The following RSRP1 variants were observed in gnomAD, a reference collection of about 807,000 sequenced individuals.
The protein encoded by RSRP1 is arginine/serine-rich protein 1.
Under a neutral mutation model 33.0 loss-of-function variants are expected in RSRP1, and 37 were observed. The ratio of observed to expected loss-of-function variants is 1.12; its 90% CI spans 0.86 to 1.48. RSRP1 has a LOEUF of 1.48. RSRP1 is among the 40% of genes most tolerant of loss of function. The pLI is 0.00. For synonymous variants in RSRP1, 167 were observed against 158.7 expected (o/e 1.05, Z -0.40); for missense variants, 402 against 385.3 (o/e 1.04, Z -0.36).
At position 25,311,053 on chromosome 1, in the gene RSRP1, C is replaced by T. The variant is rs746590515; in HGVS notation, c.-67+26925G>A. Among the ~76,000 whole-genome samples the T allele has an allele frequency of 2.3e-5, 3 of 131,096 alleles. 1 individual carries two copies. Among genetic ancestry groups the T allele is most frequent in the Non-Finnish European group, 5.4e-5 (3 of 55,538 alleles). 86.0% of individuals were successfully genotyped at this position (131,096 alleles called of 152,430 possible). On this transcript the variant is annotated intron_variant, in intron 1 of 1. Transcript: ENST00000561867. Reference sequence around the variant, plus strand: ...TCTGGTGAGGGCTTAAAGGAAGACCCCAGAACTAGGGAAAGTCTGGAACTT... The same window carrying T: ...TCTGGTGAGGGCTTAAAGGAAGACCTCAGAACTAGGGAAAGTCTGGAACTT...
chr1:25,244,870 C>G, intron 3 of RSRP1: 6 of 1,141,140 alleles, frequency 5.3e-6, no homozygotes, highest in Non-Finnish European at 6.8e-6. Context: ...TTTTTGTAAA[C>G]ACGCGGTTTT....
chr1:25,243,457 G>T, intron 4 of RSRP1, 93 bp downstream of exon 4: 1 of 1,463,548 alleles, frequency 6.8e-7, no homozygotes, highest in Non-Finnish European at 9.3e-7. Flanking sequence ...GTGTCAGTAG[G>T]CCCCCAACTA....
intron 1 of RSRP1, among the ~76,000 whole-genome samples, chr1:25,282,606 A>G (rs1422621748): frequency 7.6e-6 from 1 of 132,340 alleles, no homozygotes; most frequent in African/African-American, 2.6e-5. Context: ...CTCAAAACCT[A>G]TGCTTCCCCT....
upstream of RSRP1, among the ~76,000 whole-genome samples, chr1:25,252,454 G>A (rs1384165529): frequency 6.6e-6 from 1 of 151,994 alleles, no homozygotes; most frequent in East Asian, 1.9e-4. Flanking sequence ...CAACAGCCTA[G>A]GCTCCAGAGT....
At chr1:25,245,423 T>A (rs1639288550) in intron 2 of RSRP1, 122 bp from the exon 3 acceptor site, 1 of 1,313,486 alleles carries the variant, frequency 7.6e-7, no homozygotes, top group South Asian at 1.5e-5. Flanking sequence ...GTCACTTGTT[T>A]TATAATAGGT....
rs1186236384 is a variant in RSRP1 at position 25,272,124 on chromosome 1, A to G, written c.-66-25095T>C. 3.3e-5 allele frequency among the ~76,000 whole-genome samples: 4 copies of G among 122,182 alleles called. 1 individual carries two copies. The highest frequency in any genetic ancestry group is 7.8e-5 in the Non-Finnish European group (4 of 51,416). The allele number at this position is 122,182 out of a possible 152,430, so 80.2% of individuals were successfully genotyped here. On this transcript the variant is annotated intron_variant, in intron 1 of 1. Transcript: ENST00000561867. ...CTCTGTCATGTAGTAAGGTTTTAAAAAGAAAGCCTCTTCTGAGCTTCAGTT... is the reference window on the plus strand; with the variant it reads ...CTCTGTCATGTAGTAAGGTTTTAAAGAGAAAGCCTCTTCTGAGCTTCAGTT...
At chr1:25,258,145 C>A (rs1251867061) in intron 1 of RSRP1, among the ~76,000 whole-genome samples, 2 of 152,110 alleles carry the variant, frequency 1.3e-5, no homozygotes, top group East Asian at 3.9e-4. Context: ...TAAACAAATA[C>A]CTGAAACACC....
At chr1:25,313,463 C>T (rs1457845480) in intron 1 of RSRP1, among the ~76,000 whole-genome samples, 1 of 132,844 alleles carries the variant, frequency 7.5e-6, no homozygotes, top group African/African-American at 2.6e-5. Context: ...TTGTGAGATT[C>T]ATCCAGGTTG....
At chr1:25,244,787 G>T in intron 3 of RSRP1, 1 of 989,630 alleles carries the variant, frequency 1.0e-6, no homozygotes, top group Non-Finnish European at 1.3e-6. Flanking sequence ...TAGGCTCAAA[G>T]ATCCTCCTGC....
chr1:25,243,320 G>A (rs1388719937), intron 4 of RSRP1, among the ~76,000 whole-genome samples: 1 of 152,070 alleles, frequency 6.6e-6, no homozygotes, highest in Non-Finnish European at 1.5e-5. Context: ...AATAAAAAAG[G>A]GGGGACACTT....
intron 1 of RSRP1, among the ~76,000 whole-genome samples, chr1:25,312,138 C>A (rs2124038322): frequency 1.0e-5 from 1 of 97,658 alleles, no homozygotes; most frequent in East Asian, 2.1e-4. Flanking sequence ...ATAGTGTGTC[C>A]AGGAGGTGGC....
intron 1 of RSRP1, among the ~76,000 whole-genome samples, chr1:25,286,680 G>A (rs1448459323): frequency 3.7e-5 from 5 of 134,216 alleles, no homozygotes; most frequent in African/African-American, 1.3e-4. Flanking sequence ...CAGCCACTCG[G>A]GAGGCTGAGG....
chr1:25,283,328 C>T lies in RSRP1; in HGVS notation c.-66-36299G>A, dbSNP rs543516492. ...GGCAGATCACTTGAGGTCAGGAGTT[C>T]GAGACCAGCTTGGCCAACATAGCGA... On this transcript the variant is annotated intron_variant, in intron 1 of 1. Coordinates refer to the RSRP1 transcript ENST00000561867. Among the ~76,000 whole-genome samples, 34 of 129,846 alleles carry T rather than the reference C, an allele frequency of 2.6e-4. 6 individuals are homozygous for T. The South Asian group carries it at 4.3e-3, about 16-fold the overall frequency. The allele number at this position is 129,846 out of a possible 152,430, so 85.2% of individuals were successfully genotyped here. A position where few individuals can be genotyped will look rare whatever the true frequency, so the allele number is the denominator to read the frequency against.
At chr1:25,336,829 T>A (rs1420982126) in intron 1 of RSRP1, among the ~76,000 whole-genome samples, 3 of 149,250 alleles carry the variant, frequency 2.0e-5, no homozygotes, top group Non-Finnish European at 2.9e-5. Flanking sequence ...TAAGAACGTG[T>A]CCATTTAAAA....
chr1:25,244,980 C>A, intron 3 of RSRP1, 170 bp downstream of exon 3: 1 of 1,487,114 alleles, frequency 6.7e-7, no homozygotes, highest in Non-Finnish European at 8.9e-7. Flanking sequence ...TCATTAATCT[C>A]CCATTTTCAT....
chr1:25,328,997 A>T, intron 1 of RSRP1: 1 of 1,375,514 alleles, frequency 7.3e-7, no homozygotes, highest in African/African-American at 1.4e-5. Context: ...CTGCATTTGT[A>T]CGTGAGAAAC....
chr1:25,306,864 T>C (rs553993653), intron 1 of RSRP1: 1 of 911,548 alleles, frequency 1.1e-6, no homozygotes, highest in African/African-American at 1.6e-5. Flanking sequence ...ATTTGTTGGC[T>C]GATTTATTCA....
chr1:25,282,662 T>C (rs551720901), intron 1 of RSRP1, among the ~76,000 whole-genome samples: 1 of 132,342 alleles, frequency 7.6e-6, no homozygotes, highest in Admixed American at 7.4e-5. Context: ...CGATGGCTCA[T>C]GCCTGTAATC....
chr1:25,278,565 C>T (rs537131088), intron 1 of RSRP1, among the ~76,000 whole-genome samples: 1 of 131,498 alleles, frequency 7.6e-6, no homozygotes, highest in Non-Finnish European at 1.8e-5. Flanking sequence ...ACCTCATTCA[C>T]GTGTTTGGCA....
Sources: allele counts gnomAD v4.1 joint callset (sites outside exome capture counted in the v4.1 genomes callset), GRCh38; gene constraint gnomAD v4.1.1; transcripts MANE v1.5; gene names NCBI Gene and HGNC (gene_info 2026-07-23, HGNC 2026-07-21).